EXOC3L1: variants seen among roughly 807,000 people sequenced by gnomAD.
EXOC3L1 encodes exocyst complex component 3 like 1.
EXOC3L1 carries 79 observed loss-of-function variants against 83.6 expected under a neutral mutation model. The observed-to-expected ratio is 0.95, with a 90% CI of 0.79 to 1.14. EXOC3L1 has a LOEUF of 1.14. EXOC3L1 is among the 50% of genes most tolerant of loss of function. The pLI is 0.00. For missense variants in EXOC3L1, 945 were observed against 972.0 expected (o/e 0.97, Z 0.37); for synonymous variants, 433 against 451.2 (o/e 0.96, Z 0.51).
In EXOC3L1 at chr16:67,188,786, C is replaced by T. The variant is rs764993976; in HGVS notation, c.362G>A (p.Arg121Gln). The change falls in exon 4 of 14, where the codon CGG becomes CAG. Residue 121 changes from arginine (R) to glutamine (Q), a missense_variant. Arg to Gln is a conservative substitution (Grantham distance 43). Transcript: ENST00000314586. ...SQALQTLEPL[R>Q]ERVAQHKQLQ... Reference sequence around the variant, plus strand: ...TTGCTTGTGCTGGGCAACCCGCTCCCGTAGGGGCTCTAGAGTCTGTAAGGC... The same window carrying T: ...TTGCTTGTGCTGGGCAACCCGCTCCTGTAGGGGCTCTAGAGTCTGTAAGGC... 3.3e-5 allele frequency: 53 copies of T among 1,613,132 alleles called. No homozygotes were observed. The highest frequency in any genetic ancestry group is 3.2e-4 in the South Asian group (29 of 91,088).
Position 67,187,357 on chromosome 16 carries a change from T to C in EXOC3L1, c.908A>G (p.Asn303Ser). 2 of 1,612,846 alleles carry C rather than the reference T, an allele frequency of 1.2e-6. No homozygotes were observed. The highest frequency in any genetic ancestry group is 1.7e-6 in the Non-Finnish European group (2 of 1,179,992). The change falls in exon 5 of 14, where the codon AAC becomes AGC. Residue 303 changes from asparagine (N) to serine (S), a missense_variant. Transcript: ENST00000314586. Reference protein sequence around the residue: ...LVAPCCPPQYNVVQLWAHTLH... With the variant: ...LVAPCCPPQYSVVQLWAHTLH... ...CGTGTGGGCCCATAGCTGGACCACGTTGTACTGTGGCGGGCAGCAAGGCGC... is the reference window on the plus strand; with the variant it reads ...CGTGTGGGCCCATAGCTGGACCACGCTGTACTGTGGCGGGCAGCAAGGCGC...
rs751661115 is a variant in EXOC3L1, at chr16:67,186,591, T to C, written c.1351A>G (p.Met451Val). ...AATGTGCCCAGTTCTGACAGTGCCATGCCATGCACTCGCTGTTGCAGTGAC... is the reference window on the plus strand; with the variant it reads ...AATGTGCCCAGTTCTGACAGTGCCACGCCATGCACTCGCTGTTGCAGTGAC... ...SESLQQRVHG[M>V]ALSELGTFLR... The change falls in exon 8 of 14, where the codon ATG (methionine) becomes GTG (valine). Residue 451 changes from methionine to valine, a missense_variant. Met to Val is a conservative substitution (Grantham distance 21). Coordinates refer to ENST00000314586, the MANE Select transcript of EXOC3L1 (RefSeq NM_178516.4). 3 of 1,614,084 alleles carry C rather than the reference T, an allele frequency of 1.9e-6. No homozygotes were observed. The highest frequency in any genetic ancestry group is 2.2e-5 in the South Asian group (2 of 91,082).
chr16:67,189,013 T>C lies in EXOC3L1; in HGVS notation c.207+7A>G. The C allele has an allele frequency of 6.2e-7, 1 of 1,603,952 alleles. No individual in the cohort carries two copies. Among genetic ancestry groups the C allele is most frequent in the Non-Finnish European group, 8.5e-7 (1 of 1,173,450 alleles). On this transcript the variant is annotated splice_region_variant and intron_variant, in intron 3 of 13. Transcript: ENST00000314586. ...CCCAGCACCCGCACCCCCTGCCCCA[T>C]GCCCACCTTGAGGCGCGATTCCAGG...
In EXOC3L1 at chr16:67,189,160, C is replaced by T. The variant is rs923838439; in HGVS notation, c.67G>A (p.Glu23Lys). 8 of 1,603,488 alleles carry T rather than the reference C, an allele frequency of 5.0e-6. No homozygotes were observed. The highest frequency in any genetic ancestry group is 2.7e-5 in the African/African-American group (2 of 74,888). Reference protein sequence around the residue: ...LSPGPEWPEQERAEQLARGAA... With the variant: ...LSPGPEWPEQKRAEQLARGAA... ...CCCCGGGCCAGCTGCTCTGCCCGCTCCTGCTCTGGCCACTCAGGTCCTGGG... is the reference window on the plus strand; with the variant it reads ...CCCCGGGCCAGCTGCTCTGCCCGCTTCTGCTCTGGCCACTCAGGTCCTGGG... The change falls in exon 3 of 14, where the codon GAG becomes AAG. Residue 23 changes from glutamate to lysine, a missense_variant. Glu to Lys is a moderately conservative substitution (Grantham distance 56). Transcript: ENST00000314586.
rs779582070 is a variant in EXOC3L1, at chr16:67,186,826, C to T, written c.1217G>A (p.Arg406Gln). Reference protein sequence around the residue: ...ALDGEVAEWGREHGPNTDPSG... With the variant: ...ALDGEVAEWGQEHGPNTDPSG... ...CGGGTCTGTGTTGGGCCCATGCTCC[C>T]GGCCCCACTCAGCTACCTCCCCATC... The change falls in exon 7 of 14, where the codon CGG (arginine) becomes CAG (glutamine). Residue 406 changes from arginine (R) to glutamine (Q), a missense_variant. Arg to Gln is a conservative substitution (Grantham distance 43, BLOSUM62 1). Transcript: ENST00000314586. 27 of 1,613,516 alleles carry T rather than the reference C, an allele frequency of 1.7e-5. No homozygotes were observed. In the Admixed American group the frequency reaches 2.0e-4, roughly 12 times the overall value.
chr16:67,185,170 C>T lies in EXOC3L1; in HGVS notation c.1715G>A (p.Arg572Gln), dbSNP rs1555552856. Residue 572 changes from arginine to glutamine, a missense_variant, in exon 11 of 14, where the codon CGG becomes CAG. Physicochemically the swap from Arg to Gln is conservative, Grantham distance 43 (BLOSUM62 1). Coordinates refer to ENST00000314586, the MANE Select transcript of EXOC3L1 (RefSeq NM_178516.4). The stretch of plus-strand genomic sequence containing the variant: ...GGGGTTCCGCACGCGCCAGAAGTCC[C>T]GGCAGAAGCGCCCCGTCCGTTCACA... ...SVCERTGRFC[R>Q]DFWRVRNPTV... 13 of 1,613,392 alleles carry T rather than the reference C, an allele frequency of 8.1e-6. No individual in the cohort carries two copies. The highest frequency in any genetic ancestry group is 1.1e-5 in the Non-Finnish European group (13 of 1,180,032).
chr16:67,186,926 T>C (rs2032745961), intron 6 of EXOC3L1, 42 bp from the exon 7 acceptor site: 1 of 1,612,932 alleles, frequency 6.2e-7, no homozygotes. Flanking sequence ...AGCAGGGATC[T>C]GACCCTGCTG....
Position 67,184,687 on chromosome 16 carries a change from T to A in EXOC3L1, c.2029A>T (p.Ser677Cys). Reference sequence around the variant, plus strand: ...TCCCTTCTGGCCCCCAGTCCGCACCTCACGTCGGGAAATTGTTGCCGCAGG... The same window carrying A: ...TCCCTTCTGGCCCCCAGTCCGCACCACACGTCGGGAAATTGTTGCCGCAGG... ...AGLRQQFPDV[S>C]EDHVSALLGL... The change falls in exon 13 of 14, where the codon AGC becomes TGC. Residue 677 changes from serine (S) to cysteine (C), a missense_variant and splice_region_variant. By Grantham distance (112) the Ser-to-Cys change is moderately radical. Coordinates refer to ENST00000314586, the MANE Select transcript of EXOC3L1 (RefSeq NM_178516.4). 1 of 1,575,612 alleles carries A rather than the reference T, an allele frequency of 6.3e-7. No individual in the cohort carries two copies. Among genetic ancestry groups the A allele is most frequent in the Non-Finnish European group, 8.6e-7 (1 of 1,164,326 alleles).
chr16:67,187,015 A>G lies in EXOC3L1; in HGVS notation c.1158+6T>C, dbSNP rs1479181351. 3.7e-6 allele frequency: 6 copies of G among 1,613,298 alleles called. No individual in the cohort carries two copies. The highest frequency in any genetic ancestry group is 4.2e-6 in the Non-Finnish European group (5 of 1,179,928). ...ACTTCTCTGGACCTGTGCCTCAACT[A>G]CTCACCTGGATGTTGGCCACAAATG... On this transcript the variant is annotated splice_donor_region_variant and intron_variant, in intron 6 of 13. Coordinates refer to ENST00000314586, the MANE Select transcript of EXOC3L1 (RefSeq NM_178516.4).
At position 67,187,445 on chromosome 16, in the gene EXOC3L1, C is replaced by T. The variant is rs773778570; in HGVS notation, c.820G>A (p.Gly274Arg). The T allele has an allele frequency of 9.3e-6, 15 of 1,609,796 alleles. No homozygotes were observed. The South Asian group carries it at 1.6e-4, about 18-fold the overall frequency. The change falls in exon 5 of 14, where the codon GGG becomes AGG. Residue 274 changes from glycine (G) to arginine (R), a missense_variant. Coordinates refer to ENST00000314586, the MANE Select transcript of EXOC3L1 (RefSeq NM_178516.4). The stretch of plus-strand genomic sequence containing the variant: ...GCCACTCGCAGAGCCTCCAGCCACC[C>T]TGGTAGGGCCCCTGGTGCAGGCAGC... ...PLLPAPGALP[G>R]WLEALRVALP... is the part of the protein sequence containing the mutation.
intron 1 of EXOC3L1, 110 bp downstream of exon 1, chr16:67,189,861 G>T: frequency 1.6e-6 from 1 of 625,542 alleles, no homozygotes; most frequent in Non-Finnish European, 2.8e-6. Flanking sequence ...TGCCTGCTAG[G>T]TTTCCCAGTC....
In EXOC3L1 at chr16:67,184,431, G is replaced by A. The variant is rs1425193375; in HGVS notation, c.2204C>T (p.Ser735Leu). 8 of 1,531,712 alleles carry A rather than the reference G, an allele frequency of 5.2e-6. No individual in the cohort carries two copies. Among genetic ancestry groups the A allele is most frequent in the Non-Finnish European group, 7.0e-6 (8 of 1,145,094 alleles). The allele number at this position is 1,531,712 out of a possible 1,614,324, so 94.9% of individuals were successfully genotyped here. Residue 735 changes from serine to leucine, a missense_variant, in exon 14 of 14, where the codon TCG (serine) becomes TTG (leucine). Coordinates refer to ENST00000314586, the MANE Select transcript of EXOC3L1 (RefSeq NM_178516.4). ...PALAPASCLP[S>L]GSCARALLLA... ...CAGCAGGGCTCGGGCGCAGGACCCC[G>A]AGGGCAGGCAGGAGGCCGGCGCGAG...
chr16:67,190,038 A>G lies in EXOC3L1; in HGVS notation c.-75T>C, dbSNP rs2032839473. 3 of 224,764 alleles carry G rather than the reference A, an allele frequency of 1.3e-5. No individual in the cohort carries two copies. The allele number at this position is 224,764 out of a possible 1,614,324, so 13.9% of individuals were successfully genotyped here. A position where few individuals can be genotyped will look rare whatever the true frequency, so the allele number is the denominator to read the frequency against. On this transcript the variant is annotated 5_prime_UTR_variant, in exon 1 of 14. Transcript: ENST00000314586. Reference sequence around the variant, plus strand: ...TGGCCTTGAGAACAGCCCTCTCCCCAATGCAGCTGGGCACGCCTGCCACTT... The same window carrying G: ...TGGCCTTGAGAACAGCCCTCTCCCCGATGCAGCTGGGCACGCCTGCCACTT...
rs750764054 is a variant in EXOC3L1 at position 67,188,923 on chromosome 16, G to C, written c.225C>G (p.Tyr75Ter). ...ACACACCAGTCTGCACGCCTTCCAG[G>C]TATGACTGCATCACTGACTGTGGAA... ...ESRLKSVMQS[Y>*]LEGVQTGVWQ... The change falls in exon 4 of 14, where the codon TAC (tyrosine) becomes TAG (stop). Residue 75 changes from tyrosine (Y) to a stop codon, truncating the protein, a stop_gained. Transcript: ENST00000314586. LOFTEE classifies it high-confidence loss of function. The C allele has an allele frequency of 1.2e-6, 2 of 1,613,020 alleles. No homozygotes were observed. The highest frequency in any genetic ancestry group is 4.5e-5 in the East Asian group (2 of 44,870).
In EXOC3L1 at chr16:67,186,683, G is replaced by A. The variant is rs747960571; in HGVS notation, c.1285-26C>T. 5.0e-6 allele frequency: 8 copies of A among 1,613,568 alleles called. No homozygotes were observed. In the Admixed American group the frequency reaches 5.0e-5, roughly 10 times the overall value. ...CTGCAGGCAGAAATGAGCAGCCATCGGCAAAGCCTCCCTCCTTCCTCTCCT... is the reference window on the plus strand; with the variant it reads ...CTGCAGGCAGAAATGAGCAGCCATCAGCAAAGCCTCCCTCCTTCCTCTCCT... On this transcript the variant is annotated intron_variant, in intron 7 of 13. Coordinates refer to ENST00000314586, the MANE Select transcript of EXOC3L1 (RefSeq NM_178516.4).
At chr16:67,184,869 T>A in intron 12 of EXOC3L1, 33 bp downstream of exon 12, 2 of 1,610,546 alleles carry the variant, frequency 1.2e-6, no homozygotes, top group South Asian at 2.2e-5. Flanking sequence ...CCACTGAGAC[T>A]CTCGCCCGTC....
In EXOC3L1 at chr16:67,185,369, C is replaced by T. The variant is rs757817997; in HGVS notation, c.1618G>A (p.Glu540Lys). ...CCTGAAGGAGGCCTCACCTGGAGCTCCGCCTGCAGCGCCTCCAACACCAAG... is the reference window on the plus strand; with the variant it reads ...CCTGAAGGAGGCCTCACCTGGAGCTTCGCCTGCAGCGCCTCCAACACCAAG... ...YRLVLEALQA[E>K]LQPLFADLPS... The change falls in exon 10 of 14, where the codon GAG (glutamate) becomes AAG (lysine). Residue 540 changes from glutamate (E) to lysine (K), a missense_variant. Glu to Lys is a moderately conservative substitution (Grantham distance 56). Transcript: ENST00000314586. 6.2e-7 allele frequency: 1 copy of T among 1,612,886 alleles called. No homozygotes were observed. Among genetic ancestry groups the T allele is most frequent in the Non-Finnish European group, 8.5e-7 (1 of 1,180,034 alleles).
chr16:67,184,779 A>G lies in EXOC3L1; in HGVS notation c.1937T>C (p.Val646Ala). The G allele has an allele frequency of 6.3e-7, 1 of 1,599,516 alleles. No individual in the cohort carries two copies. The highest frequency in any genetic ancestry group is 8.5e-7 in the Non-Finnish European group (1 of 1,178,064). Residue 646 changes from valine to alanine, a missense_variant, in exon 13 of 14, where the codon GTG (valine) becomes GCG (alanine). By Grantham distance (64) the Val-to-Ala change is moderately conservative. Transcript: ENST00000314586. ...GLEENAHCAPVLLALRELLNL... is the reference protein window; with the variant it reads ...GLEENAHCAPALLALRELLNL... ...TAGCAGCTCCCTCAGGGCGAGCAGCACCGGCGCGCAGTGCGCGTTCTCCTC... is the reference window on the plus strand; with the variant it reads ...TAGCAGCTCCCTCAGGGCGAGCAGCGCCGGCGCGCAGTGCGCGTTCTCCTC...
At chr16:67,188,128 C>T (rs2032781940) in intron 4 of EXOC3L1, among the ~76,000 whole-genome samples, 1 of 152,142 alleles carries the variant, frequency 6.6e-6, no homozygotes, top group East Asian at 1.9e-4. Flanking sequence ...CCTGTAATCC[C>T]AGCTACTGGG....
Sources: gnomAD v4.1 joint callset for allele counts (sites outside exome capture counted in the v4.1 genomes callset) on GRCh38, gnomAD v4.1.1 for gene constraint, MANE v1.5 for transcripts, NCBI Gene and HGNC (gene_info 2026-07-23, HGNC 2026-07-21) for gene names.